The following DNMT3A variants were observed in gnomAD, a reference collection of about 807,000 sequenced individuals.
The protein encoded by DNMT3A is DNA (cytosine-5)-methyltransferase 3A.
A neutral mutation model predicts 117.6 loss-of-function variants in DNMT3A; 267 were observed. The observed-to-expected ratio is 2.27, with a 90% CI of 2.05 to 2.51. The LOEUF is 2.51. Among genes scored for constraint, DNMT3A ranks in the 30% most tolerant of loss-of-function variants. The pLI is 0.00. For synonymous variants in DNMT3A, 432 were observed against 474.8 expected, an observed-to-expected ratio of 0.91 and a Z score of 1.17; for missense variants, 1,029 against 1,260.2, an observed-to-expected ratio of 0.82 and a Z score of 2.78.
Position 25,247,476 on chromosome 2 carries a change from G to A in DNMT3A, c.1014+115C>T, listed in dbSNP as rs1456273413. The A allele has an allele frequency of 1.2e-5, 18 of 1,474,108 alleles. No homozygotes were observed. The highest frequency in any genetic ancestry group is 1.5e-5 in the Non-Finnish European group (16 of 1,086,346). The allele number at this position is 1,474,108 out of a possible 1,614,324, so 91.3% of individuals were successfully genotyped here. On this transcript the variant is annotated intron_variant, in intron 8 of 22. Transcript: ENST00000321117. This position sits in a 1 kb window ranked among gnomAD's most constrained non-coding sequence, Gnocchi z 5.6. ...TCCACCCACCACAGGCAGAGTAGGG[G>A]TGAGCAGAACCCACTTCCATCACCC... is the stretch of plus-strand genomic sequence containing the variant.
intron 6 of DNMT3A, among the ~76,000 whole-genome samples, chr2:25,269,096 C>T (rs1054994872): frequency 6.6e-6 from 1 of 152,166 alleles, no homozygotes; most frequent in African/African-American, 2.4e-5. Flanking sequence ...CCAAAGCAGG[C>T]GGATCACTTG....
Position 25,234,759 on chromosome 2 carries a change from T to C in DNMT3A, c.2598-339A>G, listed in dbSNP as rs987813436. Among the ~76,000 whole-genome samples, 2 of 152,030 alleles carry C rather than the reference T, an allele frequency of 1.3e-5. No homozygotes were observed. Among genetic ancestry groups the C allele is most frequent in the Non-Finnish European group, 2.9e-5 (2 of 68,008 alleles). ...CCTCAGAAATACCTCCAGGACACACTCTCTAGTTCTCCTCTCCTGCAGGGT... is the reference window on the plus strand; with the variant it reads ...CCTCAGAAATACCTCCAGGACACACCCTCTAGTTCTCCTCTCCTGCAGGGT... On this transcript the variant is annotated intron_variant, in intron 22 of 22. Coordinates refer to ENST00000321117, the MANE Select transcript of DNMT3A (RefSeq NM_022552.5). The surrounding 1 kb of genome is among the most constrained non-coding windows in gnomAD (Gnocchi z 4.5).
chr2:25,324,501 A>G (rs2034714903), intron 1 of DNMT3A, among the ~76,000 whole-genome samples: 1 of 152,148 alleles, frequency 6.6e-6, no homozygotes, highest in Non-Finnish European at 1.5e-5. Flanking sequence ...CTCTGGGGTG[A>G]CCCTGGCCCA....
At chr2:25,269,979 G>C (rs1297045555) in intron 6 of DNMT3A, among the ~76,000 whole-genome samples, 1 of 152,160 alleles carries the variant, frequency 6.6e-6, no homozygotes, top group Non-Finnish European at 1.5e-5. Context: ...AGTTAAGCTG[G>C]GGAGTGCGTT....
intron 3 of DNMT3A, among the ~76,000 whole-genome samples, chr2:25,292,847 C>T (rs939282567): frequency 3.3e-5 from 5 of 152,060 alleles, no homozygotes; most frequent in South Asian, 2.1e-4. Context: ...GGTGTGCCGG[C>T]GCGTACCTGC....
rs1002179251 is a variant in DNMT3A, at chr2:25,232,958, TAGAC to T, written c.*1317_*1320del. The T allele has an allele frequency of 2.6e-5, 6 of 232,354 alleles. No homozygotes were observed. The highest frequency in any genetic ancestry group is 4.3e-5 in the Non-Finnish European group (5 of 117,560). The allele number at this position is 232,354 out of a possible 1,614,324, so 14.4% of individuals were successfully genotyped here. A position where few individuals can be genotyped will look rare whatever the true frequency, so the allele number is the denominator to read the frequency against. On this transcript the variant is annotated 3_prime_UTR_variant, in exon 23 of 23. Coordinates refer to ENST00000321117, the MANE Select transcript of DNMT3A (RefSeq NM_022552.5). The surrounding 1 kb of genome is among the most constrained non-coding windows in gnomAD (Gnocchi z 4.1). The stretch of plus-strand genomic sequence containing the variant: ...ATAAAAGAACACACAAAAGGCGACT[TAGAC>T]AGGAAAGCACCAGTACGTTTTGTAT...
At chr2:25,240,551 A>G (rs963314823) in intron 18 of DNMT3A, 89 bp downstream of exon 18, 4 of 1,594,558 alleles carry the variant, frequency 2.5e-6, no homozygotes, top group Middle Eastern at 1.8e-4. Context: ...GTCATCGGGA[A>G]TAGCTGTCCC....
chr2:25,340,732 CGTGA>C (rs1643245665), intron 1 of DNMT3A, among the ~76,000 whole-genome samples: 1 of 151,864 alleles, frequency 6.6e-6, no homozygotes, highest in African/African-American at 2.4e-5. Flanking sequence ...GGTGCGTGTG[CGTGA>C]GTGTGTCCGC....
chr2:25,316,618 A>T (rs1258689800), intron 1 of DNMT3A, among the ~76,000 whole-genome samples: 1 of 152,178 alleles, frequency 6.6e-6, no homozygotes, highest in Non-Finnish European at 1.5e-5. Context: ...TAGACGCTTC[A>T]TTCTTCCTTC....
At position 25,285,954 on chromosome 2, in the gene DNMT3A, G is replaced by A. The variant is rs765442147; in HGVS notation, c.178-3243C>T. ...ACATGGCACTACCATAGAGGTATGCGTGGGGTCCTGCCTGGCTAACTTGAG... is the reference window on the plus strand; with the variant it reads ...ACATGGCACTACCATAGAGGTATGCATGGGGTCCTGCCTGGCTAACTTGAG... On this transcript the variant is annotated intron_variant, in intron 3 of 22. Coordinates refer to ENST00000321117, the MANE Select transcript of DNMT3A (RefSeq NM_022552.5). Among the ~76,000 whole-genome samples the A allele has an allele frequency of 4.6e-5, 7 of 152,108 alleles. No homozygotes were observed. The East Asian group carries it at 5.8e-4, about 13-fold the overall frequency.
Position 25,228,696 on chromosome 2 carries a change from AT to A in DNMT3A, c.*5582del, listed in dbSNP as rs1410218373. The A allele has an allele frequency of 6.6e-6, 1 of 152,230 alleles. No individual in the cohort carries two copies. The highest frequency in any genetic ancestry group is 2.4e-5 in the African/African-American group (1 of 41,446). 9.4% of individuals were successfully genotyped at this position (152,230 alleles called of 1,614,324 possible). On this transcript the variant is annotated 3_prime_UTR_variant, in exon 23 of 23. Transcript: ENST00000321117. The stretch of plus-strand genomic sequence containing the variant: ...CAGCAGACTTAATTTAACAATATAT[AT>A]TTTTAATAAAATGTTTTAGCACCTT...
chr2:25,239,739 AC>A (rs1056938269), intron 19 of DNMT3A, among the ~76,000 whole-genome samples: 1 of 151,936 alleles, frequency 6.6e-6, no homozygotes, highest in African/African-American at 2.4e-5. Context: ...AGTGTGACCC[AC>A]CCCAAGACTC....
At chr2:25,280,901 G>T (rs893002182) in intron 4 of DNMT3A, among the ~76,000 whole-genome samples, 1 of 152,136 alleles carries the variant, frequency 6.6e-6, no homozygotes. Flanking sequence ...CATGCTTCAG[G>T]GCAGGAAGGA....
Position 25,237,103 on chromosome 2 carries a change from T to C in DNMT3A, c.2409-98A>G, listed in dbSNP as rs539855409. 8.5e-5 allele frequency: 107 copies of C among 1,251,786 alleles called. No homozygotes were observed. In the South Asian group the frequency reaches 1.4e-3, roughly 16 times the overall value. 77.5% of individuals were successfully genotyped at this position (1,251,786 alleles called of 1,614,324 possible). On this transcript the variant is annotated intron_variant, in intron 20 of 22. Transcript: ENST00000321117. This position sits in a 1 kb window ranked among gnomAD's most constrained non-coding sequence, Gnocchi z 5.4. The stretch of plus-strand genomic sequence containing the variant: ...CCCTCCCTCCCCCAGCAGCCACTAG[T>C]TCACAGGGTAAGAGCCCCTTCCCCA...
rs1462510986 is a variant in DNMT3A at position 25,329,699 on chromosome 2, A to C, written c.-178+12127T>G. Among the ~76,000 whole-genome samples the C allele has an allele frequency of 1.9e-3, 292 of 150,386 alleles. 7 individuals carry two copies. The highest frequency in any genetic ancestry group is 6.8e-3 in the African/African-American group (271 of 39,956). ...CACACACACACACACACACACACAC[A>C]CACACACACACACAGACACACAGAT... On this transcript the variant is annotated intron_variant, in intron 1 of 22. Transcript: ENST00000321117.
At chr2:25,287,737 C>CT (rs1380829983) in intron 3 of DNMT3A, among the ~76,000 whole-genome samples, 1 of 151,740 alleles carries the variant, frequency 6.6e-6, no homozygotes. Flanking sequence ...ACACCCCCGC[C>CT]CCCAACAGAG....
Position 25,247,473 on chromosome 2 carries a change from G to T in DNMT3A, c.1014+118C>A. On this transcript the variant is annotated intron_variant, in intron 8 of 22. Transcript: ENST00000321117. This position sits in a 1 kb window ranked among gnomAD's most constrained non-coding sequence, Gnocchi z 5.6. ...TCTTCCACCCACCACAGGCAGAGTA[G>T]GGGTGAGCAGAACCCACTTCCATCA... 1 of 1,452,208 alleles carries T rather than the reference G, an allele frequency of 6.9e-7. No individual in the cohort carries two copies. Among genetic ancestry groups the T allele is most frequent in the South Asian group, 1.3e-5 (1 of 77,020 alleles). The allele number at this position is 1,452,208 out of a possible 1,614,324, so 90.0% of individuals were successfully genotyped here. A position where few individuals can be genotyped will look rare whatever the true frequency, so the allele number is the denominator to read the frequency against.
chr2:25,313,438 G>C (rs567655520), intron 2 of DNMT3A, among the ~76,000 whole-genome samples: 1 of 152,310 alleles, frequency 6.6e-6, no homozygotes, highest in African/African-American at 2.4e-5. Context: ...CCGTCTGTGT[G>C]GGAGGGTGGG....
intron 16 of DNMT3A, 30 bp downstream of exon 16, chr2:25,243,868 G>A (rs948196657): frequency 1.3e-6 from 2 of 1,551,398 alleles, no homozygotes; most frequent in African/African-American, 1.4e-5. Context: ...GGACAAGGCG[G>A]CCAGCACCTC....
Sources: allele counts gnomAD v4.1 joint callset (sites outside exome capture counted in the v4.1 genomes callset), GRCh38; gene constraint gnomAD v4.1.1; non-coding constraint Gnocchi (gnomAD v3.1); transcripts MANE v1.5; gene names NCBI Gene and HGNC (gene_info 2026-07-23, HGNC 2026-07-21).